FLT1: variants seen among roughly 807,000 people sequenced by gnomAD.
FLT1 encodes fms related receptor tyrosine kinase 1, also known as vascular endothelial growth factor receptor 1.
Under a neutral mutation model 156.3 loss-of-function variants are expected in FLT1, and 49 were observed. The ratio of observed to expected loss-of-function variants is 0.31; its 90% CI spans 0.25 to 0.40. The LOEUF (loss-of-function observed/expected upper bound fraction) is 0.40, where lower values mean the gene tolerates loss of function less well. FLT1 is among the 10% of genes least tolerant of loss of function. The pLI is 1.00. For synonymous variants in FLT1, 594 were observed against 583.8 expected (o/e 1.02, Z -0.25); for missense variants, 1,322 against 1,637.2 (o/e 0.81, Z 3.32).
At chr13:28,368,895 G>A (rs907664441) in intron 14 of FLT1, among the ~76,000 whole-genome samples, 1 of 151,620 alleles carries the variant, frequency 6.6e-6, no homozygotes, top group African/African-American at 2.4e-5. Flanking sequence ...AGTTGAGATG[G>A]GGTTTCACCA....
intron 13 of FLT1, chr13:28,387,747 C>T (rs1273401673): frequency 2.5e-5 from 26 of 1,047,092 alleles, no homozygotes; most frequent in Non-Finnish European, 2.8e-5. Flanking sequence ...TCCCTTCATA[C>T]CCCAGGGTAA....
intron 18 of FLT1, 107 bp downstream of exon 18, chr13:28,333,918 A>G (rs1212159140): frequency 2.4e-6 from 2 of 816,764 alleles, no homozygotes; most frequent in Admixed American, 1.7e-5. Flanking sequence ...ATGTGTCCAG[A>G]GCAGAAAAGC....
rs565769547 is a variant in FLT1, at chr13:28,476,714, G to A, written c.65-9097C>T. Among the ~76,000 whole-genome samples, 438 of 152,260 alleles carry A rather than the reference G, an allele frequency of 2.9e-3. 1 individual carries two copies. Among genetic ancestry groups the A allele is most frequent in the African/African-American group, 0.01 (418 of 41,544 alleles). On this transcript the variant is annotated intron_variant, in intron 1 of 29. Transcript: ENST00000282397. ...AAAATTCAAAATAGTCACGTATATA[G>A]CATTTATGTCTTGAATCCAGGTGTC...
rs1262542998 is a variant in FLT1 at position 28,473,773 on chromosome 13, GGAAGGAAAGAAAGAAAGAAAGAAA to G, written c.65-6180_65-6157del. 2.0e-3 allele frequency among the ~76,000 whole-genome samples: 166 copies of G among 84,636 alleles called. 2 individuals are homozygous for G. The highest frequency in any genetic ancestry group is 0.013 in the Admixed American group (101 of 7,744). The allele number at this position is 84,636 out of a possible 152,430, so 55.5% of individuals were successfully genotyped here. A position where few individuals can be genotyped will look rare whatever the true frequency, so the allele number is the denominator to read the frequency against. ...AGGAAGGAAGGAAGGAAGGAAGGAA[GGAAGGAAAGAAAGAAAGAAAGAAA>G]GAAAGAAAGAAAGAAAGAAAGAAAG... On this transcript the variant is annotated intron_variant, in intron 1 of 29. Coordinates refer to ENST00000282397, the MANE Select transcript of FLT1 (RefSeq NM_002019.4).
chr13:28,405,473 A>G (rs1484786310), intron 11 of FLT1, among the ~76,000 whole-genome samples: 2 of 152,166 alleles, frequency 1.3e-5, no homozygotes, highest in Non-Finnish European at 2.9e-5. Flanking sequence ...AGATTTGGAT[A>G]TAATAATAAT....
chr13:28,330,739 A>T, intron 18 of FLT1, among the ~76,000 whole-genome samples: 1 of 151,114 alleles, frequency 6.6e-6, no homozygotes. Context: ...TTTGAGACAG[A>T]GTCTCCCTCT....
intron 8 of FLT1, 74 bp downstream of exon 8, chr13:28,429,976 G>T: frequency 1.0e-6 from 1 of 976,296 alleles, no homozygotes; most frequent in Non-Finnish European, 1.7e-6. Context: ...TCAGGAATTC[G>T]AGTCATTAGG....
intron 20 of FLT1, among the ~76,000 whole-genome samples, chr13:28,324,806 A>T (rs1871607953): frequency 6.6e-6 from 1 of 152,188 alleles, no homozygotes; most frequent in Non-Finnish European, 1.5e-5. Context: ...CAAAAGTCAC[A>T]GCCTAGGCAT....
In FLT1 at chr13:28,303,156, C is replaced by T. The variant is rs775261767; in HGVS notation, c.*11G>A. 21 of 1,606,042 alleles carry T rather than the reference C, an allele frequency of 1.3e-5. No individual in the cohort carries two copies. Among genetic ancestry groups the T allele is most frequent in the South Asian group, 5.5e-5 (5 of 91,050 alleles). ...ACATGTGCTTCTAGAAATAAGGCTT[C>T]GTGTCAAACTCTAGATGGGTGGGGT... On this transcript the variant is annotated 3_prime_UTR_variant, in exon 30 of 30. Transcript: ENST00000282397.
At chr13:28,460,816 A>G (rs1593818647) in intron 3 of FLT1, among the ~76,000 whole-genome samples, 1 of 152,034 alleles carries the variant, frequency 6.6e-6, no homozygotes, top group Non-Finnish European at 1.5e-5. Context: ...ACACACACAC[A>G]CACACACACA....
At chr13:28,460,945 A>T (rs1478803021) in intron 3 of FLT1, among the ~76,000 whole-genome samples, 1 of 151,818 alleles carries the variant, frequency 6.6e-6, no homozygotes, top group Non-Finnish European at 1.5e-5. Context: ...TTACTTGGAT[A>T]TTTTCTTTTC....
chr13:28,389,406 A>T, intron 13 of FLT1: 2 of 1,270,676 alleles, frequency 1.6e-6, no homozygotes, highest in South Asian at 3.5e-5. Context: ...ATCAAAATGG[A>T]AGGAAAGGAT....
At chr13:28,419,688 G>C (rs954652772) in intron 10 of FLT1, among the ~76,000 whole-genome samples, 1 of 152,178 alleles carries the variant, frequency 6.6e-6, no homozygotes, top group African/African-American at 2.4e-5. Context: ...GACCATTCTC[G>C]CTAACATGGC....
At chr13:28,375,925 C>G (rs1224428609) in intron 14 of FLT1, among the ~76,000 whole-genome samples, 2 of 152,320 alleles carry the variant, frequency 1.3e-5, no homozygotes, top group East Asian at 3.9e-4. Context: ...TCAAGTTTTG[C>G]AAAAGATATT....
chr13:28,335,327 T>C (rs190702775), intron 17 of FLT1, among the ~76,000 whole-genome samples: 27 of 152,274 alleles, frequency 1.8e-4, no homozygotes, highest in Middle Eastern at 3.4e-3. Flanking sequence ...ACACAACCCC[T>C]CCTTTCCCAA....
intron 18 of FLT1, among the ~76,000 whole-genome samples, chr13:28,331,724 G>A (rs531242397): frequency 3.0e-4 from 46 of 152,056 alleles, no homozygotes; most frequent in African/African-American, 8.4e-4. Context: ...CCATCACGCC[G>A]GGCCATGCCT....
At chr13:28,480,877 C>A (rs1037724299) in intron 1 of FLT1, among the ~76,000 whole-genome samples, 1 of 152,166 alleles carries the variant, frequency 6.6e-6, no homozygotes, top group Admixed American at 6.6e-5. Flanking sequence ...TAAAACAGAG[C>A]ACCACGGAAG....
At chr13:28,303,598 G>A (rs1473279284) in intron 29 of FLT1, among the ~76,000 whole-genome samples, 1 of 151,914 alleles carries the variant, frequency 6.6e-6, no homozygotes, top group Non-Finnish European at 1.5e-5. Context: ...GGCTGGGGGA[G>A]GGTATGAAAT....
At position 28,341,261 on chromosome 13, in the gene FLT1, T is replaced by C. The variant is rs952786359; in HGVS notation, c.2356-1961A>G. Among the ~76,000 whole-genome samples the C allele has an allele frequency of 2.8e-4, 43 of 152,312 alleles. 1 individual carries two copies. The highest frequency in any genetic ancestry group is 9.9e-4 in the African/African-American group (41 of 41,566). ...CCTTAAGTGAGGGCTTTGAGGAGAC[T>C]GTGATAGTAAAATGTTAGTTGGCAA... is the stretch of plus-strand genomic sequence containing the variant. On this transcript the variant is annotated intron_variant, in intron 16 of 29. Coordinates refer to ENST00000282397, the MANE Select transcript of FLT1 (RefSeq NM_002019.4).
Sources: allele counts gnomAD v4.1 joint callset (sites outside exome capture counted in the v4.1 genomes callset), GRCh38; gene constraint gnomAD v4.1.1; transcripts MANE v1.5; gene names NCBI Gene and HGNC (gene_info 2026-07-23, HGNC 2026-07-21).